The following PTPRS variants were observed in gnomAD, a reference collection of about 807,000 sequenced individuals.
PTPRS encodes the protein protein tyrosine phosphatase receptor type S.
PTPRS carries 63 observed loss-of-function variants against 215.3 expected under a neutral mutation model. The observed-to-expected ratio is 0.29, with a 90% CI of 0.24 to 0.36. The LOEUF (loss-of-function observed/expected upper bound fraction) is 0.36, where lower values mean the gene tolerates loss of function less well. Ranked by LOEUF, PTPRS falls within the 10% of genes least tolerant of loss-of-function variation. The probability of loss-of-function intolerance (pLI) is 1.00; values close to 1 mark genes in which losing one functional copy is unlikely to be tolerated. For synonymous variants in PTPRS, 1,404 were observed against 1,191.4 expected (o/e 1.18, Z -3.68); for missense variants, 2,258 against 2,825.8 (o/e 0.80, Z 4.56).
chr19:5,211,783 A>C lies in PTPRS; in HGVS notation c.5056-15T>G. On this transcript the variant is annotated splice_polypyrimidine_tract_variant and intron_variant, in intron 32 of 37. Coordinates refer to ENST00000262963, the MANE Select transcript of PTPRS (RefSeq NM_002850.4). ...TTAGCCAGCCGCTGTGGGGAGGAGG[A>C]AGCCAGAGGCCACCATCAGGATGAG... 1 of 1,607,424 alleles carries C rather than the reference A, an allele frequency of 6.2e-7. No homozygotes were observed.
chr19:5,249,228 C>T (rs899757516), intron 9 of PTPRS, among the ~76,000 whole-genome samples: 8 of 152,086 alleles, frequency 5.3e-5, no homozygotes, highest in Admixed American at 2.0e-4. Context: ...GGAGAACTGC[C>T]GGAACCCGGG....
At chr19:5,321,315 T>C (rs2050018895) in intron 1 of PTPRS, among the ~76,000 whole-genome samples, 1 of 152,026 alleles carries the variant, frequency 6.6e-6, no homozygotes, top group South Asian at 2.1e-4. Flanking sequence ...AACAGGGAAA[T>C]GTGAGTCACG....
At chr19:5,306,621 G>A (rs1283669554) in intron 1 of PTPRS, among the ~76,000 whole-genome samples, 1 of 152,034 alleles carries the variant, frequency 6.6e-6, no homozygotes, top group Non-Finnish European at 1.5e-5. Flanking sequence ...TGGACACTTC[G>A]GTTGCCTCCA....
chr19:5,302,120 C>T (rs2049320842), intron 1 of PTPRS, among the ~76,000 whole-genome samples: 1 of 152,042 alleles, frequency 6.6e-6, no homozygotes, highest in Non-Finnish European at 1.5e-5. Context: ...GCACGGCCAG[C>T]CTTGGGAGGC....
chr19:5,258,407 T>C (rs1212942930), intron 7 of PTPRS, among the ~76,000 whole-genome samples: 1 of 152,208 alleles, frequency 6.6e-6, no homozygotes, highest in Non-Finnish European at 1.5e-5. Context: ...GCCTCATGAC[T>C]GCCAAGTTGA....
At position 5,258,728 on chromosome 19, in the gene PTPRS, G is replaced by A. The variant is rs372247639; in HGVS notation, c.596-601C>T. Reference sequence around the variant, plus strand: ...TTCTTCAGGTGTGTTTGAAATTTCAGGATTAGGTTATACCCTGAGGCAGCT... The same window carrying A: ...TTCTTCAGGTGTGTTTGAAATTTCAAGATTAGGTTATACCCTGAGGCAGCT... On this transcript the variant is annotated intron_variant, in intron 7 of 37. Transcript: ENST00000262963. Among the ~76,000 whole-genome samples the A allele has an allele frequency of 3.8e-4, 58 of 152,304 alleles. 1 individual carries two copies. The highest frequency in any genetic ancestry group is 1.3e-3 in the African/African-American group (53 of 41,566).
chr19:5,267,654 C>CAAA (rs5826877), intron 4 of PTPRS, among the ~76,000 whole-genome samples: 1 of 122,694 alleles, frequency 8.2e-6, no homozygotes, highest in Non-Finnish European at 1.6e-5. Flanking sequence ...AAGACTGTCT[C>CAAA]AAAAAAAAAA....
intron 25 of PTPRS, among the ~76,000 whole-genome samples, chr19:5,217,815 G>A (rs1399150818): frequency 6.6e-6 from 1 of 152,170 alleles, no homozygotes; most frequent in Non-Finnish European, 1.5e-5. Flanking sequence ...CCCATGAAGA[G>A]GGAGGAGATG....
rs36138461 is a variant in PTPRS, at chr19:5,239,164, GGAGAGAGAGAGA to G, written c.1705-113_1705-102del. ...AGAGACAGAAACAGAGGGGGGAGGGGGAGAGAGAGAGAGAGAGAGAGAGACAGAGAAATAGAG... is the reference window on the plus strand; with the variant it reads ...AGAGACAGAAACAGAGGGGGGAGGGGGAGAGAGAGAGACAGAGAAATAGAG... On this transcript the variant is annotated intron_variant, in intron 12 of 37. Coordinates refer to ENST00000262963, the MANE Select transcript of PTPRS (RefSeq NM_002850.4). The G allele has an allele frequency of 1.8e-5, 8 of 433,586 alleles. No individual in the cohort carries two copies. The African/African-American group carries it at 1.9e-4, about 10-fold the overall frequency. 26.9% of individuals were successfully genotyped at this position (433,586 alleles called of 1,614,324 possible). A position where few individuals can be genotyped will look rare whatever the true frequency, so the allele number is the denominator to read the frequency against.
chr19:5,281,329 C>T (rs113057486), intron 2 of PTPRS, among the ~76,000 whole-genome samples: 223 of 152,124 alleles, frequency 1.5e-3, no homozygotes, highest in African/African-American at 5.3e-3. Flanking sequence ...GGCATGGTGG[C>T]GCATGCCTGT....
intron 25 of PTPRS, among the ~76,000 whole-genome samples, 198 bp from the exon 26 acceptor site, chr19:5,216,965 C>G (rs566361636): frequency 2.6e-4 from 40 of 152,340 alleles, no homozygotes; most frequent in African/African-American, 8.4e-4. Context: ...GGCTGGACAC[C>G]AGTCAATCCT....
In PTPRS at chr19:5,237,098, G is replaced by A. The variant is rs2043521911; in HGVS notation, c.1849+1821C>T. ...ACGAGAGAGGGAACGGCCGAGCGCT[G>A]AGCTACAAGGCCAGACCGAACTCTT... On this transcript the variant is annotated intron_variant, in intron 13 of 37. Coordinates refer to ENST00000262963, the MANE Select transcript of PTPRS (RefSeq NM_002850.4). This position sits in a 1 kb window ranked among gnomAD's most constrained non-coding sequence, Gnocchi z 4.2. Among the ~76,000 whole-genome samples, 1 of 152,194 alleles carries A rather than the reference G, an allele frequency of 6.6e-6. No homozygotes were observed. Among genetic ancestry groups the A allele is most frequent in the South Asian group, 2.1e-4 (1 of 4,836 alleles).
In PTPRS at chr19:5,210,159, T is replaced by C. The variant is rs948714959; in HGVS notation, c.5487+310A>G. ...CCTCACCCTCAATCCCTCAAGTCCC[T>C]TTCAGCCCTTTAACATCATCCTCCA... On this transcript the variant is annotated intron_variant, in intron 35 of 37. Transcript: ENST00000262963. The surrounding 1 kb of genome is among the most constrained non-coding windows in gnomAD (Gnocchi z 4.5). 2.6e-5 allele frequency among the ~76,000 whole-genome samples: 4 copies of C among 152,156 alleles called. No homozygotes were observed. Among genetic ancestry groups the C allele is most frequent in the African/African-American group, 9.7e-5 (4 of 41,440 alleles).
intron 13 of PTPRS, among the ~76,000 whole-genome samples, chr19:5,234,943 CTTT>C (rs113097365): frequency 6.5e-5 from 9 of 137,808 alleles, no homozygotes; most frequent in South Asian, 2.3e-4. Context: ...TTCTTTCTTT[CTTT>C]TTTTTTTTTT....
chr19:5,220,330 G>A lies in PTPRS; in HGVS notation c.3479C>T (p.Pro1160Leu). Residue 1160 changes from proline (P) to leucine (L), a missense_variant, in exon 21 of 38, where the codon CCA becomes CTA. Around this residue, in one of 6 missense-constraint regions of PTPRS, gnomAD observed 927 missense variants for 1,125.9 expected, o/e 0.82. Transcript: ENST00000262963. The part of the protein sequence containing the change: ...PVQSYFIVMV[P>L]LRKSRGGQFL... ...TTGGCCTCCACGAGACTTGCGCAGT[G>A]GCACCATCACAATGAAATAGCTCCT... 3 of 1,613,892 alleles carry A rather than the reference G, an allele frequency of 1.9e-6. No homozygotes were observed. Among genetic ancestry groups the A allele is most frequent in the Non-Finnish European group, 2.5e-6 (3 of 1,179,950 alleles).
At chr19:5,233,154 G>A (rs1204778018) in intron 13 of PTPRS, among the ~76,000 whole-genome samples, 1 of 144,790 alleles carries the variant, frequency 6.9e-6, no homozygotes, top group Non-Finnish European at 1.5e-5. Context: ...ATTGTGCTAA[G>A]GCTTCATAGA....
intron 37 of PTPRS, 137 bp downstream of exon 37, chr19:5,207,785 G>T: frequency 1.6e-6 from 2 of 1,274,926 alleles, no homozygotes; most frequent in Non-Finnish European, 1.1e-6. Context: ...CAGTGCGGGA[G>T]GGGTCTGTGG....
chr19:5,325,918 CA>C (rs980723281), intron 1 of PTPRS, among the ~76,000 whole-genome samples: 2 of 152,188 alleles, frequency 1.3e-5, no homozygotes, highest in Non-Finnish European at 2.9e-5. Context: ...GGAGATGCCC[CA>C]AACAGTTGTA....
chr19:5,210,118 TCCA>T lies in PTPRS; in HGVS notation c.5487+348_5487+350del, dbSNP rs2040733907. 6.6e-6 allele frequency among the ~76,000 whole-genome samples: 1 copy of T among 152,116 alleles called. No individual in the cohort carries two copies. ...AGTCCCCACCATCTGACTCTCCTTG[TCCA>T]CCGTCTACCACCCCTCACCCTCAAT... On this transcript the variant is annotated intron_variant, in intron 35 of 37. Transcript: ENST00000262963. The surrounding 1 kb of genome is among the most constrained non-coding windows in gnomAD (Gnocchi z 4.5).
Sources: allele counts gnomAD v4.1 joint callset (sites outside exome capture counted in the v4.1 genomes callset), GRCh38; gene constraint gnomAD v4.1.1; regional missense constraint gnomAD v4.1.1; non-coding constraint Gnocchi (gnomAD v3.1); transcripts MANE v1.5; gene names NCBI Gene and HGNC (gene_info 2026-07-23, HGNC 2026-07-21).